NKAIN2: variants seen among roughly 807,000 people sequenced by gnomAD.
NKAIN2 encodes sodium/potassium transporting ATPase interacting 2.
In NKAIN2, 14 loss-of-function variants were observed where a neutral mutation model predicts 32.6. The ratio of observed to expected loss-of-function variants is 0.43; its 90% CI spans 0.28 to 0.67. NKAIN2 has a LOEUF of 0.67. Among genes scored for constraint, NKAIN2 ranks in the 30% least tolerant of loss-of-function variants. NKAIN2 has a pLI of 0.17. For synonymous variants in NKAIN2, 80 were observed against 87.2 expected, an observed-to-expected ratio of 0.92 and a Z score of 0.46; for missense variants, 198 against 258.3, an observed-to-expected ratio of 0.77 and a Z score of 1.60.
intron 4 of NKAIN2, among the ~76,000 whole-genome samples, chr6:124,712,195 G>C (rs1391353331): frequency 1.3e-5 from 2 of 150,612 alleles, no homozygotes; most frequent in Admixed American, 6.6e-5. Flanking sequence ...CCAGCTGCGT[G>C]CTGGGAGAAC....
chr6:123,908,342 A>G (rs1189372848), intron 1 of NKAIN2, among the ~76,000 whole-genome samples: 1 of 152,202 alleles, frequency 6.6e-6, no homozygotes, highest in Non-Finnish European at 1.5e-5. Flanking sequence ...TTTACAGAAT[A>G]CTATGATTAT....
At chr6:124,406,208 C>T (rs1773854538) in intron 3 of NKAIN2, among the ~76,000 whole-genome samples, 1 of 152,024 alleles carries the variant, frequency 6.6e-6, no homozygotes, top group South Asian at 2.1e-4. Flanking sequence ...CTACATATGC[C>T]TTTATAATCC....
chr6:124,770,307 TG>T (rs35762424), intron 4 of NKAIN2, among the ~76,000 whole-genome samples: 1 of 152,188 alleles, frequency 6.6e-6, no homozygotes, highest in Non-Finnish European at 1.5e-5. Flanking sequence ...GCCTTCCCCT[TG>T]GGAATTTTCT....
chr6:124,209,894 G>A (rs956109051), intron 1 of NKAIN2, among the ~76,000 whole-genome samples: 2 of 151,956 alleles, frequency 1.3e-5, no homozygotes, highest in East Asian at 3.9e-4. Context: ...CTCCCCTTCT[G>A]TGGGTTGTCT....
intron 1 of NKAIN2, among the ~76,000 whole-genome samples, chr6:124,039,450 G>A (rs1474507547): frequency 6.6e-6 from 1 of 151,636 alleles, no homozygotes; most frequent in Non-Finnish European, 1.5e-5. Context: ...TTTGAATTTT[G>A]TAATTCAGTT....
intron 3 of NKAIN2, among the ~76,000 whole-genome samples, chr6:124,545,026 C>T (rs959155506): frequency 5.3e-5 from 8 of 152,060 alleles, no homozygotes; most frequent in Admixed American, 2.0e-4. Flanking sequence ...CTTCTCTGGG[C>T]GATGCCTTAA....
intron 4 of NKAIN2, among the ~76,000 whole-genome samples, chr6:124,748,827 C>T (rs1259776293): frequency 7.0e-6 from 1 of 143,200 alleles, no homozygotes; most frequent in African/African-American, 2.6e-5. Flanking sequence ...TGCTACTTTC[C>T]CCAGCTCTGA....
chr6:123,981,842 A>C (rs1380112709), intron 1 of NKAIN2, among the ~76,000 whole-genome samples: 1 of 152,104 alleles, frequency 6.6e-6, no homozygotes, highest in African/African-American at 2.4e-5. Context: ...AGAGCAGGCA[A>C]AGGGAGCAGA....
rs528510463 is a variant in NKAIN2, at chr6:124,016,601, C to T, written c.54+212347C>T. Reference sequence around the variant, plus strand: ...TTTCTCTGAGCCTACTACTCTGGACCACAGGCCTCTTTTGCACATAAATTA... The same window carrying T: ...TTTCTCTGAGCCTACTACTCTGGACTACAGGCCTCTTTTGCACATAAATTA... On this transcript the variant is annotated intron_variant, in intron 1 of 6. Transcript: ENST00000368417. 1.3e-3 allele frequency among the ~76,000 whole-genome samples: 195 copies of T among 152,232 alleles called. 4 individuals are homozygous for T. In the South Asian group the frequency reaches 0.037, roughly 29 times the overall value.
At chr6:124,298,230 C>CT (rs957846471) in intron 2 of NKAIN2, among the ~76,000 whole-genome samples, 56 of 151,960 alleles carry the variant, frequency 3.7e-4, no homozygotes, top group African/African-American at 1.3e-3. Context: ...TTTAGCAGAA[C>CT]TTTTTTTTAA....
chr6:124,437,976 A>G, intron 3 of NKAIN2: 1 of 413,870 alleles, frequency 2.4e-6, no homozygotes, highest in East Asian at 7.2e-5. Flanking sequence ...AGCTCCTTAT[A>G]TCTGGAAATA....
chr6:124,776,304 C>CA (rs1778983110), intron 4 of NKAIN2, among the ~76,000 whole-genome samples: 1 of 152,188 alleles, frequency 6.6e-6, no homozygotes, highest in African/African-American at 2.4e-5. Context: ...TGGCTTCTTG[C>CA]TGACAGTACC....
intron 1 of NKAIN2, among the ~76,000 whole-genome samples, chr6:123,825,316 C>T (rs1245691971): frequency 2.0e-5 from 3 of 152,086 alleles, no homozygotes; most frequent in Admixed American, 6.6e-5. Context: ...AAAATAATTC[C>T]TAAAGAAATA....
intron 4 of NKAIN2, among the ~76,000 whole-genome samples, chr6:124,781,882 T>G (rs1033476036): frequency 3.3e-5 from 5 of 152,064 alleles, no homozygotes; most frequent in African/African-American, 1.2e-4. Flanking sequence ...CTTTTAAAAT[T>G]GCTTTGGGAA....
intron 1 of NKAIN2, among the ~76,000 whole-genome samples, chr6:124,027,620 C>G (rs534872923): frequency 6.6e-6 from 1 of 152,264 alleles, no homozygotes; most frequent in South Asian, 2.1e-4. Context: ...ACAGTGATAT[C>G]ATCGTCAGCC....
intron 2 of NKAIN2, among the ~76,000 whole-genome samples, chr6:124,291,113 A>G (rs1795794597): frequency 6.6e-6 from 1 of 152,124 alleles, no homozygotes; most frequent in South Asian, 2.1e-4. Flanking sequence ...GAATGACTTT[A>G]TTCTACCTTT....
At chr6:124,239,505 CT>C (rs1312849829) in intron 1 of NKAIN2, among the ~76,000 whole-genome samples, 1 of 152,166 alleles carries the variant, frequency 6.6e-6, no homozygotes, top group Non-Finnish European at 1.5e-5. Flanking sequence ...GTAAAACACT[CT>C]TCAGCAAATG....
At chr6:124,696,977 A>C (rs1774528399) in intron 4 of NKAIN2, among the ~76,000 whole-genome samples, 1 of 151,894 alleles carries the variant, frequency 6.6e-6, no homozygotes, top group Non-Finnish European at 1.5e-5. Context: ...TAAAAGATGG[A>C]TTTTTTTCTA....
intron 1 of NKAIN2, among the ~76,000 whole-genome samples, chr6:124,128,194 G>A (rs183805166): frequency 1.3e-5 from 2 of 152,148 alleles, no homozygotes; most frequent in African/African-American, 4.8e-5. Context: ...TAACAAACCA[G>A]GTCTTCACCT....
Sources: gnomAD v4.1 joint callset for allele counts (sites outside exome capture counted in the v4.1 genomes callset) on GRCh38, gnomAD v4.1.1 for gene constraint, MANE v1.5 for transcripts, NCBI Gene and HGNC (gene_info 2026-07-23, HGNC 2026-07-21) for gene names.